The following KAZN variants were observed in gnomAD, a reference collection of about 807,000 sequenced individuals.
The protein encoded by KAZN is kazrin, periplakin interacting protein, also known as kazrin.
KAZN carries 40 observed loss-of-function variants against 87.4 expected under a neutral mutation model. The observed-to-expected ratio is 0.46, with a 90% CI of 0.36 to 0.60. The LOEUF is 0.60. KAZN is among the 20% of genes least tolerant of loss of function. The pLI, the probability that KAZN is intolerant of heterozygous loss-of-function variation, is 0.00. For synonymous variants in KAZN, 466 were observed against 458.3 expected, an observed-to-expected ratio of 1.02 and a Z score of -0.22; for missense variants, 898 against 1,073.9, an observed-to-expected ratio of 0.84 and a Z score of 2.29.
At chr1:14,732,706 A>C (rs147200414) in intron 1 of KAZN, among the ~76,000 whole-genome samples, 49 of 152,274 alleles carry the variant, frequency 3.2e-4, no homozygotes, top group African/African-American at 1.2e-3. Context: ...TTATTTTTTC[A>C]ACTGGCTATT....
intron 2 of KAZN, among the ~76,000 whole-genome samples, chr1:14,181,628 C>G (rs1379292083): frequency 2.0e-5 from 3 of 152,102 alleles, no homozygotes; most frequent in African/African-American, 7.2e-5. Flanking sequence ...TATGCAAAGC[C>G]TTTCATTCCT....
exon 1 of KAZN, chr1:13,893,645 A>C: frequency 6.5e-7 from 1 of 1,550,028 alleles, no homozygotes; most frequent in Non-Finnish European, 8.7e-7. Flanking sequence ...CATGACCAAC[A>C]CCAAAGACCC....
intron 2 of KAZN, among the ~76,000 whole-genome samples, chr1:14,572,391 C>T (rs931873066): frequency 6.6e-6 from 1 of 152,152 alleles, no homozygotes; most frequent in African/African-American, 2.4e-5. Context: ...ATGAGCTGGG[C>T]AATCCCCAGT....
intron 1 of KAZN, among the ~76,000 whole-genome samples, chr1:14,893,056 G>A (rs1182100871): frequency 6.6e-6 from 1 of 152,208 alleles, no homozygotes; most frequent in Admixed American, 6.5e-5. Context: ...ACAGGAGGAA[G>A]TCAAATAATC....
chr1:14,000,374 A>T (rs12128791), intron 1 of KAZN, among the ~76,000 whole-genome samples: 13,278 of 152,290 alleles, frequency 0.087, 752 homozygotes, highest in Middle Eastern at 0.13. Context: ...TATCCCTGGG[A>T]TGGAAGGCTG....
intron 1 of KAZN, among the ~76,000 whole-genome samples, chr1:14,728,832 G>A (rs1236559419): frequency 6.6e-6 from 1 of 152,176 alleles, no homozygotes; most frequent in Admixed American, 6.5e-5. Flanking sequence ...TAAAATGGGG[G>A]TAGTAGTAAT....
At chr1:15,007,071 A>G (rs1449603651) in intron 2 of KAZN, among the ~76,000 whole-genome samples, 2 of 150,924 alleles carry the variant, frequency 1.3e-5, no homozygotes, top group Non-Finnish European at 3.0e-5. Flanking sequence ...AAAAAAAAAA[A>G]AAAAAAGAAA....
intron 2 of KAZN, among the ~76,000 whole-genome samples, chr1:14,483,260 T>G (rs1669178153): frequency 6.6e-6 from 1 of 152,086 alleles, no homozygotes; most frequent in Non-Finnish European, 1.5e-5. Context: ...CTACCAATAT[T>G]CAAATGAAGA....
intron 2 of KAZN, among the ~76,000 whole-genome samples, chr1:14,382,182 A>G (rs1661421827): frequency 6.6e-6 from 1 of 152,192 alleles, no homozygotes; most frequent in South Asian, 2.1e-4. Flanking sequence ...CAAAAAAAAG[A>G]TATTCCATTT....
At chr1:14,433,468 G>C (rs950660320) in intron 2 of KAZN, among the ~76,000 whole-genome samples, 4 of 152,166 alleles carry the variant, frequency 2.6e-5, no homozygotes, top group African/African-American at 9.7e-5. Context: ...TTGAAGCCCT[G>C]TGTGATGGTA....
chr1:14,312,369 G>A (rs1047501041), intron 2 of KAZN, among the ~76,000 whole-genome samples: 28 of 152,030 alleles, frequency 1.8e-4, no homozygotes, highest in Non-Finnish European at 3.4e-4. Flanking sequence ...CCTGCGTTAG[G>A]GCTTTGCACA....
At chr1:14,451,561 A>G (rs1466734734) in intron 2 of KAZN, among the ~76,000 whole-genome samples, 1 of 151,458 alleles carries the variant, frequency 6.6e-6, no homozygotes, top group African/African-American at 2.4e-5. Flanking sequence ...AGAACAGAAC[A>G]AAAACAGACC....
At chr1:15,009,280 T>C (rs1234647413) in intron 2 of KAZN, among the ~76,000 whole-genome samples, 1 of 152,076 alleles carries the variant, frequency 6.6e-6, no homozygotes, top group East Asian at 1.9e-4. Context: ...GAAGCAGCAG[T>C]CACATTCCCC....
intron 1 of KAZN, among the ~76,000 whole-genome samples, chr1:14,934,900 C>T (rs993491932): frequency 6.6e-6 from 1 of 152,372 alleles, no homozygotes; most frequent in African/African-American, 2.4e-5. Flanking sequence ...TGAGCGTTCC[C>T]TGCTGCCCAA....
intron 1 of KAZN, among the ~76,000 whole-genome samples, chr1:14,032,046 C>T (rs1412420919): frequency 1.3e-5 from 2 of 152,318 alleles, no homozygotes; most frequent in Admixed American, 6.5e-5. Context: ...TCCATACCCT[C>T]TCTTCTCTTC....
intron 2 of KAZN, among the ~76,000 whole-genome samples, chr1:14,482,843 C>T (rs1258172429): frequency 1.3e-5 from 2 of 152,146 alleles, no homozygotes; most frequent in East Asian, 3.9e-4. Context: ...GCTAATATAA[C>T]TTTATGGTCA....
chr1:14,541,546 T>C (rs1022238263), intron 2 of KAZN, among the ~76,000 whole-genome samples: 2 of 152,186 alleles, frequency 1.3e-5, no homozygotes, highest in East Asian at 1.9e-4. Flanking sequence ...CAGGTAGCCT[T>C]GAGTAAATTG....
At chr1:14,080,069 G>T (rs1301185233) in intron 1 of KAZN, among the ~76,000 whole-genome samples, 2 of 117,248 alleles carry the variant, frequency 1.7e-5, no homozygotes, top group Admixed American at 1.7e-4. Flanking sequence ...GATGAATTTT[G>T]GGGGGATGTA....
intron 1 of KAZN, among the ~76,000 whole-genome samples, chr1:14,620,775 C>T (rs1227582332): frequency 6.6e-6 from 1 of 152,140 alleles, no homozygotes; most frequent in East Asian, 1.9e-4. Context: ...TCATTCAGCC[C>T]CAGTTTTAGC....
Sources: gnomAD v4.1 joint callset for allele counts (sites outside exome capture counted in the v4.1 genomes callset) on GRCh38, gnomAD v4.1.1 for gene constraint, MANE v1.5 for transcripts, NCBI Gene and HGNC (gene_info 2026-07-23, HGNC 2026-07-21) for gene names.